SCP2: variants seen among roughly 807,000 people sequenced by gnomAD.
SCP2 encodes SCP-2/3-oxoacyl-CoA thiolase.
A neutral mutation model predicts 71.4 loss-of-function variants in SCP2; 48 were observed. The ratio of observed to expected loss-of-function variants is 0.67; its 90% confidence interval spans 0.53 to 0.86. The LOEUF is 0.86. SCP2 is among the 40% of genes least tolerant of loss of function. The pLI is 0.00. For synonymous variants in SCP2, 220 were observed against 218.1 expected, an observed-to-expected ratio of 1.01 and a Z score of -0.08; for missense variants, 560 against 655.6, an observed-to-expected ratio of 0.85 and a Z score of 1.59.
intron 3 of SCP2, among the ~76,000 whole-genome samples, chr1:52,948,863 T>C (rs1655043096): frequency 6.6e-6 from 1 of 152,234 alleles, no homozygotes; most frequent in Admixed American, 6.5e-5. Context: ...TGCTGTACGT[T>C]AGATCCACAG....
intron 3 of SCP2, among the ~76,000 whole-genome samples, chr1:52,948,694 C>A (rs1225664621): frequency 6.6e-6 from 1 of 151,598 alleles, no homozygotes; most frequent in Non-Finnish European, 1.5e-5. Flanking sequence ...TATCAATCCC[C>A]TTTTAATGGA....
At chr1:52,993,414 G>T (rs1659679223) in intron 11 of SCP2, 10 of 1,614,018 alleles carry the variant, frequency 6.2e-6, no homozygotes, top group Non-Finnish European at 4.2e-6. Context: ...TGTCTTTGAT[G>T]ATCCAGATCT....
chr1:53,014,062 A>ATT (rs35223104), intron 11 of SCP2, among the ~76,000 whole-genome samples: 9,035 of 131,310 alleles, frequency 0.069, 729 homozygotes, highest in African/African-American at 0.2. Flanking sequence ...CGCCCGGCTA[A>ATT]TTTTTTTTTT....
At chr1:53,010,044 C>T (rs1660883713) in intron 11 of SCP2, among the ~76,000 whole-genome samples, 3 of 152,092 alleles carry the variant, frequency 2.0e-5, no homozygotes, top group South Asian at 4.2e-4. Context: ...TCATCACTGG[C>T]CATCAGAGAA....
intron 13 of SCP2, among the ~76,000 whole-genome samples, chr1:53,032,595 TGAAGAG>T (rs1662630954): frequency 6.6e-6 from 1 of 152,142 alleles, no homozygotes; most frequent in Non-Finnish European, 1.5e-5. Flanking sequence ...AATTCAGAGA[TGAAGAG>T]GAAGAGAAAG....
intron 5 of SCP2, among the ~76,000 whole-genome samples, chr1:52,958,372 A>G (rs1007031900): frequency 6.6e-6 from 1 of 151,892 alleles, no homozygotes; most frequent in African/African-American, 2.4e-5. Context: ...CTGGGATTAC[A>G]GGCTCCCACC....
intron 11 of SCP2, among the ~76,000 whole-genome samples, chr1:52,992,862 A>G (rs916791036): frequency 6.6e-6 from 1 of 152,182 alleles, no homozygotes; most frequent in African/African-American, 2.4e-5. Flanking sequence ...TTATTTCACA[A>G]CCTGTAGCTT....
At chr1:52,938,609 G>A (rs1441825442) in intron 1 of SCP2, among the ~76,000 whole-genome samples, 1 of 152,102 alleles carries the variant, frequency 6.6e-6, no homozygotes, top group Non-Finnish European at 1.5e-5. Flanking sequence ...CGTCATCCCA[G>A]TCTCTTTCTC....
intron 14 of SCP2, 79 bp from the exon 15 acceptor site, chr1:53,047,779 T>G: frequency 2.1e-6 from 2 of 949,622 alleles, no homozygotes; most frequent in Non-Finnish European, 3.5e-6. Context: ...TCTGTTGCAG[T>G]CAGTGGCTCT....
chr1:52,993,005 G>A (rs1215632796), intron 11 of SCP2, among the ~76,000 whole-genome samples: 1 of 152,164 alleles, frequency 6.6e-6, no homozygotes, highest in Non-Finnish European at 1.5e-5. Flanking sequence ...CAGCCTTAGT[G>A]TTTCCTTTAA....
intron 13 of SCP2, among the ~76,000 whole-genome samples, chr1:53,033,918 C>T (rs1662735209): frequency 6.6e-6 from 1 of 152,134 alleles, no homozygotes; most frequent in Non-Finnish European, 1.5e-5. Context: ...CTGCTGAATA[C>T]ATAAACAAAA....
At chr1:53,035,173 G>A (rs994699873) in intron 13 of SCP2, among the ~76,000 whole-genome samples, 2 of 151,860 alleles carry the variant, frequency 1.3e-5, no homozygotes, top group Non-Finnish European at 2.9e-5. Flanking sequence ...TTGCAGATAT[G>A]TAAGGCTGAA....
chr1:52,936,845 G>T (rs542390950), intron 1 of SCP2, among the ~76,000 whole-genome samples: 18 of 152,198 alleles, frequency 1.2e-4, no homozygotes, highest in African/African-American at 4.3e-4. Flanking sequence ...ACATGGAGGA[G>T]TTTCTGGGGT....
chr1:52,927,565 C>A, intron 1 of SCP2, 100 bp downstream of exon 1: 1 of 878,274 alleles, frequency 1.1e-6, no homozygotes, highest in Non-Finnish European at 1.8e-6. Flanking sequence ...CTGCTCCGCG[C>A]GTGGGTCATC....
At chr1:53,013,396 G>A (rs1446273017) in intron 11 of SCP2, among the ~76,000 whole-genome samples, 1 of 139,368 alleles carries the variant, frequency 7.2e-6, no homozygotes, top group Non-Finnish European at 1.5e-5. Flanking sequence ...CCAGCCTGGC[G>A]AATATAGTGA....
At chr1:52,946,742 C>A (rs1379624234) in intron 2 of SCP2, among the ~76,000 whole-genome samples, 1 of 143,238 alleles carries the variant, frequency 7.0e-6, no homozygotes, top group Non-Finnish European at 1.5e-5. Flanking sequence ...AAAAAAATTT[C>A]AAATACATTT....
At chr1:53,010,100 A>G (rs1196933380) in intron 11 of SCP2, among the ~76,000 whole-genome samples, 1 of 152,212 alleles carries the variant, frequency 6.6e-6, no homozygotes, top group East Asian at 1.9e-4. Flanking sequence ...ACCAGTTAGA[A>G]TGGTGATCAT....
chr1:52,995,494 C>A (rs1007557781), intron 11 of SCP2: 4 of 437,190 alleles, frequency 9.1e-6, no homozygotes, highest in African/African-American at 6.1e-5. Flanking sequence ...GGTGCCCTTA[C>A]CACATCTCCA....
chr1:52,997,121 C>A (rs901738398), intron 11 of SCP2, among the ~76,000 whole-genome samples: 4 of 152,130 alleles, frequency 2.6e-5, no homozygotes, highest in Non-Finnish European at 4.4e-5. Flanking sequence ...TGGAAACAAG[C>A]CAGATGTCTA....
Sources: gnomAD v4.1 joint callset for allele counts (sites outside exome capture counted in the v4.1 genomes callset) on GRCh38, gnomAD v4.1.1 for gene constraint, MANE v1.5 for transcripts, NCBI Gene and HGNC (gene_info 2026-07-23, HGNC 2026-07-21) for gene names.